The following GABBR2 variants were observed in gnomAD, a reference collection of about 807,000 sequenced individuals.
GABBR2 encodes the protein gamma-aminobutyric acid type B receptor subunit 2, also known as G-protein coupled receptor 51.
A neutral mutation model predicts 105.6 loss-of-function variants in GABBR2; 23 were observed. That is an observed-to-expected ratio of 0.22 (90% CI 0.16 to 0.31). The LOEUF is 0.31. Ranked by LOEUF, GABBR2 falls within the 10% of genes least tolerant of loss-of-function variation. The probability of loss-of-function intolerance (pLI) is 1.00; values close to 1 mark genes in which losing one functional copy is unlikely to be tolerated. For synonymous variants in GABBR2, 478 were observed against 499.7 expected, an observed-to-expected ratio of 0.96 and a Z score of 0.58; for missense variants, 734 against 1,245.5, an observed-to-expected ratio of 0.59 and a Z score of 6.18.
intron 1 of GABBR2, among the ~76,000 whole-genome samples, chr9:98,613,354 C>T (rs536063609): frequency 2.8e-4 from 42 of 151,962 alleles, no homozygotes; most frequent in Admixed American, 2.6e-4. Flanking sequence ...GCACAAGAAT[C>T]GCGTGAGCCC....
At chr9:98,296,195 G>GA (rs976452167) in intron 17 of GABBR2, among the ~76,000 whole-genome samples, 23 of 152,306 alleles carry the variant, frequency 1.5e-4, no homozygotes, top group African/African-American at 5.5e-4. Flanking sequence ...AAGGGCTTGA[G>GA]AAAGTGGGTT....
At chr9:98,436,302 T>C (rs1312570796) in intron 7 of GABBR2, among the ~76,000 whole-genome samples, 3 of 93,890 alleles carry the variant, frequency 3.2e-5, no homozygotes, top group African/African-American at 4.3e-5. Context: ...TATATATATA[T>C]ACCCATAAAT....
chr9:98,356,484 G>A (rs1460020245), intron 13 of GABBR2, among the ~76,000 whole-genome samples: 2 of 152,202 alleles, frequency 1.3e-5, no homozygotes, highest in Non-Finnish European at 2.9e-5. Context: ...CTATTAGAAT[G>A]GCTAAAATCC....
intron 1 of GABBR2, among the ~76,000 whole-genome samples, chr9:98,592,928 TC>T (rs1829167257): frequency 6.6e-6 from 1 of 152,194 alleles, no homozygotes; most frequent in South Asian, 2.1e-4. Flanking sequence ...CCCTTATTTT[TC>T]AGTCCATAGG....
At chr9:98,360,200 C>T (rs1051595596) in intron 13 of GABBR2, among the ~76,000 whole-genome samples, 1 of 152,080 alleles carries the variant, frequency 6.6e-6, no homozygotes. Context: ...AAAACAGCCC[C>T]TTGAAGGAGA....
intron 1 of GABBR2, among the ~76,000 whole-genome samples, chr9:98,675,873 C>T (rs1046992346): frequency 6.6e-6 from 1 of 152,176 alleles, no homozygotes; most frequent in African/African-American, 2.4e-5. Context: ...ATTTCCAGAG[C>T]ATCTGTGTGG....
At chr9:98,644,768 G>T (rs1180871275) in intron 1 of GABBR2, among the ~76,000 whole-genome samples, 15 of 152,160 alleles carry the variant, frequency 9.9e-5, no homozygotes, top group African/African-American at 3.6e-4. Flanking sequence ...GGAGACAGAG[G>T]CTGCAGTAAG....
intron 4 of GABBR2, among the ~76,000 whole-genome samples, chr9:98,489,769 G>T (rs1032620113): frequency 6.6e-6 from 1 of 152,106 alleles, no homozygotes; most frequent in Admixed American, 6.5e-5. Context: ...AGGCAGGGAC[G>T]GAGTCCAACC....
chr9:98,309,647 GT>G (rs1213783824), intron 14 of GABBR2, among the ~76,000 whole-genome samples: 5 of 152,202 alleles, frequency 3.3e-5, no homozygotes, highest in Non-Finnish European at 7.3e-5. Flanking sequence ...CAAGTTTCTG[GT>G]GACTATGAGT....
At chr9:98,658,242 A>G (rs1352043490) in intron 1 of GABBR2, among the ~76,000 whole-genome samples, 1 of 152,188 alleles carries the variant, frequency 6.6e-6, no homozygotes, top group Non-Finnish European at 1.5e-5. Context: ...GATGCACACC[A>G]GAATCACCAA....
At chr9:98,519,912 T>C (rs140790596) in intron 3 of GABBR2, among the ~76,000 whole-genome samples, 2 of 152,184 alleles carry the variant, frequency 1.3e-5, no homozygotes, top group Non-Finnish European at 2.9e-5. Flanking sequence ...AAACCCCTGT[T>C]CTAGACTCAG....
intron 1 of GABBR2, among the ~76,000 whole-genome samples, chr9:98,619,828 A>G (rs1012815668): frequency 2.0e-5 from 3 of 152,218 alleles, no homozygotes; most frequent in African/African-American, 4.8e-5. Context: ...ATCATGAAAA[A>G]GCCAGGTGAG....
At chr9:98,370,200 C>T (rs1372300355) in intron 12 of GABBR2, among the ~76,000 whole-genome samples, 1 of 152,068 alleles carries the variant, frequency 6.6e-6, no homozygotes, top group Non-Finnish European at 1.5e-5. Flanking sequence ...GTTTGTGTGG[C>T]CCTGTCCAGG....
chr9:98,485,921 C>G (rs1346687389), intron 4 of GABBR2, among the ~76,000 whole-genome samples: 10 of 152,134 alleles, frequency 6.6e-5, no homozygotes, highest in Admixed American at 6.5e-4. Flanking sequence ...AGAGAGCAAC[C>G]AACAACTGAC....
chr9:98,362,093 G>A (rs1034160477), intron 13 of GABBR2, among the ~76,000 whole-genome samples: 2 of 152,182 alleles, frequency 1.3e-5, no homozygotes, highest in Non-Finnish European at 2.9e-5. Context: ...GCTGTAGCCC[G>A]CAAAGACAGT....
chr9:98,587,367 A>G (rs1829092747), intron 1 of GABBR2, among the ~76,000 whole-genome samples: 1 of 152,186 alleles, frequency 6.6e-6, no homozygotes, highest in Non-Finnish European at 1.5e-5. Flanking sequence ...GGGCTCCTAC[A>G]TCATACAGAG....
At chr9:98,576,904 TTGGATGGA>T (rs71369567) in intron 2 of GABBR2, among the ~76,000 whole-genome samples, 1,197 of 99,594 alleles carry the variant, frequency 0.012, 13 homozygotes, top group African/African-American at 0.033. Flanking sequence ...AAAATATTTG[TTGGATGGA>T]TGGATGGATG....
intron 12 of GABBR2, among the ~76,000 whole-genome samples, chr9:98,370,446 C>A (rs1831758471): frequency 6.6e-6 from 1 of 152,120 alleles, no homozygotes; most frequent in African/African-American, 2.4e-5. Flanking sequence ...TAAGGTATTT[C>A]CTGCCTCTTC....
At chr9:98,430,013 G>A (rs12115279) in intron 7 of GABBR2, among the ~76,000 whole-genome samples, 1,904 of 152,284 alleles carry the variant, frequency 0.013, 32 homozygotes, top group African/African-American at 0.043. Flanking sequence ...GAGGCTGGGC[G>A]TGGTGGCTCA....
Sources: gnomAD v4.1 joint callset for allele counts (sites outside exome capture counted in the v4.1 genomes callset) on GRCh38, gnomAD v4.1.1 for gene constraint, MANE v1.5 for transcripts, NCBI Gene and HGNC (gene_info 2026-07-23, HGNC 2026-07-21) for gene names.